Variants in LETM2 observed in about 807,000 individuals in gnomAD.
The protein encoded by LETM2 is LETM1 domain-containing protein LETM2, mitochondrial.
A neutral mutation model predicts 59.6 loss-of-function variants in LETM2; 58 were observed. That is an observed-to-expected ratio of 0.97 (90% confidence interval 0.79 to 1.21). LETM2 has a LOEUF of 1.21. Ranked by LOEUF, LETM2 falls within the 50% of genes most tolerant of loss-of-function variation. The probability of loss-of-function intolerance (pLI) is 0.00; values close to 1 mark genes in which losing one functional copy is unlikely to be tolerated. For synonymous variants in LETM2, 199 were observed against 214.1 expected (o/e 0.93, Z 0.62); for missense variants, 572 against 575.7 (o/e 0.99, Z 0.07).
intron 1 of LETM2, among the ~76,000 whole-genome samples, chr8:38,387,446 T>G (rs2150407029): frequency 6.6e-6 from 1 of 152,286 alleles, no homozygotes; most frequent in South Asian, 2.1e-4. Context: ...TTACCTCCAC[T>G]TGAGCGATTA....
At chr8:38,404,372 T>C (rs1338510116) in intron 7 of LETM2, 21 bp from the exon 8 acceptor site, 1 of 1,508,748 alleles carries the variant, frequency 6.6e-7, no homozygotes, top group South Asian at 1.1e-5. Flanking sequence ...TCTCACGTGT[T>C]GTTCCCCTCC....
Position 38,392,571 on chromosome 8 carries a change from G to A in LETM2, c.77G>A (p.Cys26Tyr). The A allele has an allele frequency of 1.9e-6, 3 of 1,611,682 alleles. No homozygotes were observed. The highest frequency in any genetic ancestry group is 2.5e-6 in the Non-Finnish European group (3 of 1,179,664). The change falls in exon 3 of 11, where the codon TGC (cysteine) becomes TAC (tyrosine). Residue 26 changes from cysteine to tyrosine, a missense_variant. By Grantham distance (194) the Cys-to-Tyr change is radical. Transcript: ENST00000379957. ...CCTAGCCATTTTGTCCATCCTACCT[G>A]CTCTTCTTATTCCCCATCATGTGCA... ...RFPSHFVHPT[C>Y]SSYSPSCAFL...
At chr8:38,388,174 G>C in intron 2 of LETM2, 144 bp downstream of exon 2, 1 of 618,112 alleles carries the variant, frequency 1.6e-6, no homozygotes, top group Non-Finnish European at 2.8e-6. Context: ...TCTGCCTCCC[G>C]GGTTCAAGCT....
At chr8:38,389,739 G>A (rs1359734766) in intron 2 of LETM2, among the ~76,000 whole-genome samples, 1 of 151,456 alleles carries the variant, frequency 6.6e-6, no homozygotes, top group African/African-American at 2.4e-5. Flanking sequence ...TGTGGCTCAC[G>A]CCTGTAATCC....
chr8:38,387,872 A>T (rs924201806), intron 1 of LETM2, 78 bp from the exon 2 acceptor site: 3 of 664,364 alleles, frequency 4.5e-6, no homozygotes, highest in Admixed American at 5.5e-5. Flanking sequence ...TGCAATAGTT[A>T]AAAACACTAA....
intron 2 of LETM2, among the ~76,000 whole-genome samples, chr8:38,392,149 G>T (rs1292534927): frequency 6.6e-6 from 1 of 152,172 alleles, no homozygotes; most frequent in Non-Finnish European, 1.5e-5. Context: ...CCTTGGCCAG[G>T]CATGGTGGCT....
chr8:38,384,590 A>G (rs1811697419), upstream of LETM2, among the ~76,000 whole-genome samples: 1 of 152,254 alleles, frequency 6.6e-6, no homozygotes, highest in African/African-American at 2.4e-5. Flanking sequence ...TCTTCTGAAG[A>G]TTACATACAG....
rs1813083733 is a variant in LETM2, at chr8:38,400,322, T to C, written c.696T>C (p.Phe232=). The C allele has an allele frequency of 6.2e-7, 1 of 1,613,548 alleles. No individual in the cohort carries two copies. Among genetic ancestry groups the C allele is most frequent in the African/African-American group, 1.3e-5 (1 of 75,036 alleles). ...KMAVKLELAK[F]LQETMTEMAR... is the part of the protein sequence containing the mutation. ...CTGTAAAGTTGGAACTAGCAAAATT[T>C]CTTCAAGAAACCATGACAGAAATGG... is the stretch of plus-strand genomic sequence containing the variant. The change falls in exon 5 of 11, where the codon TTT becomes TTC. Residue 232 remains phenylalanine, a synonymous_variant. Coordinates refer to ENST00000379957, the MANE Select transcript of LETM2 (RefSeq NM_001286819.2).
chr8:38,402,872 C>T (rs1426416845), intron 7 of LETM2, among the ~76,000 whole-genome samples: 1 of 152,206 alleles, frequency 6.6e-6, no homozygotes, highest in African/African-American at 2.4e-5. Context: ...TGGCTTAAAA[C>T]AACACTGGTA....
At chr8:38,392,512 TAACTC>T in intron 2 of LETM2, 25 bp from the exon 3 acceptor site, 1 of 1,321,870 alleles carries the variant, frequency 7.6e-7, no homozygotes, top group Admixed American at 1.7e-5. Flanking sequence ...AGTATGTACT[TAACTC>T]AGAGGATGTT....
intron 2 of LETM2, among the ~76,000 whole-genome samples, chr8:38,389,819 T>C (rs1301314121): frequency 1.3e-5 from 2 of 151,364 alleles, no homozygotes; most frequent in South Asian, 4.2e-4. Flanking sequence ...GCCAATGTGG[T>C]GAAACCCCGT....
intron 6 of LETM2, 60 bp downstream of exon 6, chr8:38,401,113 C>T: frequency 1.5e-6 from 2 of 1,336,714 alleles, no homozygotes; most frequent in Non-Finnish European, 2.1e-6. Flanking sequence ...CCTTAGGGTG[C>T]CTGTGGGATG....
chr8:38,400,405 A>G lies in LETM2; in HGVS notation c.779A>G (p.Lys260Arg). The change falls in exon 5 of 11, where the codon AAG becomes AGG. Residue 260 changes from lysine (K) to arginine (R), a missense_variant. Lys to Arg is a conservative substitution (Grantham distance 26). Transcript: ENST00000379957. ...DASTQLSSYV[K>R]QVQTGHKPST... ...TCTACACAGCTCTCATCCTACGTGA[A>G]GCAGGTGTCCATCTTTTATGTAATG... The G allele has an allele frequency of 6.4e-7, 1 of 1,572,030 alleles. No individual in the cohort carries two copies. The highest frequency in any genetic ancestry group is 8.6e-7 in the Non-Finnish European group (1 of 1,162,100).
At chr8:38,407,062 GTTAA>G (rs778696037) in intron 9 of LETM2, 24 bp downstream of exon 9, 58 of 1,443,362 alleles carry the variant, frequency 4.0e-5, no homozygotes, top group East Asian at 2.0e-4. Context: ...TTTCCATTTG[GTTAA>G]TTAGATTAAA....
At chr8:38,393,393 C>G (rs538496756) in intron 3 of LETM2, 54 of 176,732 alleles carry the variant, frequency 3.1e-4, no homozygotes, top group African/African-American at 1.2e-3. Flanking sequence ...GCCTGTAATC[C>G]CAGCACTTTG....
rs1023918565 is a variant in LETM2, at chr8:38,406,968, T to C, written c.1241T>C (p.Val414Ala). Reference protein sequence around the residue: ...SGEAPKTDILVELPTFTESKE... With the variant: ...SGEAPKTDILAELPTFTESKE... ...CAGGCTCCAAAGACTGATATTCTTG[T>C]GGAATTACCTACTTTCACTGAATCT... Residue 414 changes from valine (V) to alanine (A), a missense_variant, in exon 9 of 11, where the codon GTG becomes GCG. By Grantham distance (64) the Val-to-Ala change is moderately conservative. Coordinates refer to ENST00000379957, the MANE Select transcript of LETM2 (RefSeq NM_001286819.2). The C allele has an allele frequency of 2.5e-6, 4 of 1,610,396 alleles. No individual in the cohort carries two copies. Among genetic ancestry groups the C allele is most frequent in the Admixed American group, 3.3e-5 (2 of 59,982 alleles).
chr8:38,387,511 G>C (rs577292619), intron 1 of LETM2, among the ~76,000 whole-genome samples: 2 of 152,202 alleles, frequency 1.3e-5, no homozygotes, highest in South Asian at 4.1e-4. Flanking sequence ...TAGTGGGTAC[G>C]TCCAATATTC....
At chr8:38,387,138 C>T (rs868199173) in intron 1 of LETM2, 16 of 152,268 alleles carry the variant, frequency 1.1e-4, no homozygotes, top group African/African-American at 3.9e-4. Context: ...TTAACCGCCG[C>T]CTCAGGTGTC....
intron 4 of LETM2, 35 bp from the exon 5 acceptor site, chr8:38,400,237 A>G (rs1204650511): frequency 1.0e-5 from 16 of 1,557,298 alleles, no homozygotes; most frequent in Non-Finnish European, 1.4e-5. Context: ...TACAATCACG[A>G]AGGATTGAGT....
Sources: gnomAD v4.1 joint callset for allele counts (sites outside exome capture counted in the v4.1 genomes callset) on GRCh38, gnomAD v4.1.1 for gene constraint, MANE v1.5 for transcripts, NCBI Gene and HGNC (gene_info 2026-07-23, HGNC 2026-07-21) for gene names.